LRRC75A: variants seen among roughly 807,000 people sequenced by gnomAD.
LRRC75A encodes leucine-rich repeat-containing protein 75A.
LRRC75A carries 12 observed loss-of-function variants against 26.0 expected under a neutral mutation model. The ratio of observed to expected loss-of-function variants is 0.46; its 90% confidence interval spans 0.30 to 0.75. LRRC75A has a LOEUF of 0.75. LRRC75A is among the 30% of genes least tolerant of loss of function. LRRC75A has a pLI of 0.08. For synonymous variants in LRRC75A, 223 were observed against 219.3 expected (o/e 1.02, Z -0.15); for missense variants, 410 against 486.6 (o/e 0.84, Z 1.48).
At chr17:16,464,924 G>A (rs2093756471) in intron 1 of LRRC75A, among the ~76,000 whole-genome samples, 2 of 152,270 alleles carry the variant, frequency 1.3e-5, no homozygotes, top group South Asian at 4.1e-4. Flanking sequence ...GGTCAAACGA[G>A]CTGTGGCCCA....
intron 1 of LRRC75A, chr17:16,478,760 C>T (rs2093826911): frequency 6.6e-6 from 1 of 152,222 alleles, no homozygotes; most frequent in Non-Finnish European, 1.5e-5. Context: ...GGGCCAATAG[C>T]TGTCTGGAAA....
At chr17:16,479,210 T>C (rs77087831) in intron 1 of LRRC75A, among the ~76,000 whole-genome samples, 3 of 152,214 alleles carry the variant, frequency 2.0e-5, no homozygotes, top group African/African-American at 4.8e-5. Flanking sequence ...TGCAGGGTCA[T>C]ACAGGACTGG....
At position 16,443,553 on chromosome 17, in the gene LRRC75A, A is replaced by G. The variant is rs1472031897; in HGVS notation, c.*35T>C. 4 of 1,472,288 alleles carry G rather than the reference A, an allele frequency of 2.7e-6. No individual in the cohort carries two copies. In the South Asian group the frequency reaches 5.4e-5, roughly 20 times the overall value. The allele number at this position is 1,472,288 out of a possible 1,614,324, so 91.2% of individuals were successfully genotyped here. Reference sequence around the variant, plus strand: ...CTGCCTGCCTTGCCCATTCTACCCAACAAGGACTCCCTGGTGAGGCCCTTC... The same window carrying G: ...CTGCCTGCCTTGCCCATTCTACCCAGCAAGGACTCCCTGGTGAGGCCCTTC... On this transcript the variant is annotated 3_prime_UTR_variant, in exon 4 of 4. Coordinates refer to ENST00000470794, the MANE Select transcript of LRRC75A (RefSeq NM_001113567.3).
chr17:16,491,352 G>C lies in LRRC75A; in HGVS notation c.246+393C>G, dbSNP rs1327034226. ...TCCAACTGATAACCGCATTCCTTGAGGACCCTCGGCCGGGAGTGACTGCCA... is the reference window on the plus strand; with the variant it reads ...TCCAACTGATAACCGCATTCCTTGACGACCCTCGGCCGGGAGTGACTGCCA... On this transcript the variant is annotated intron_variant, in intron 1 of 3. Coordinates refer to ENST00000470794, the MANE Select transcript of LRRC75A (RefSeq NM_001113567.3). The surrounding 1 kb of genome is among the most constrained non-coding windows in gnomAD (Gnocchi z 5.9). Among the ~76,000 whole-genome samples the C allele has an allele frequency of 2.0e-5, 3 of 152,206 alleles. No homozygotes were observed. Among genetic ancestry groups the C allele is most frequent in the African/African-American group, 7.2e-5 (3 of 41,458 alleles).
chr17:16,469,831 G>A (rs150832116), intron 1 of LRRC75A, among the ~76,000 whole-genome samples: 34 of 152,310 alleles, frequency 2.2e-4, no homozygotes, highest in African/African-American at 7.2e-4. Context: ...TCTCTGAACC[G>A]ATGCAGACAG....
chr17:16,457,404 C>A (rs867024991), intron 2 of LRRC75A, among the ~76,000 whole-genome samples: 15 of 152,344 alleles, frequency 9.8e-5, no homozygotes, highest in African/African-American at 7.2e-5. Flanking sequence ...TCTCTTCCCC[C>A]TGGCTTCCAC....
intron 1 of LRRC75A, among the ~76,000 whole-genome samples, chr17:16,485,682 G>GTGTGTGTGTTCA (rs2093845514): frequency 1.4e-5 from 1 of 69,710 alleles, no homozygotes; most frequent in South Asian, 3.7e-4. Flanking sequence ...GTGTGTGTGT[G>GTGTGTGTGTTCA]TGTGTGTGTG....
At chr17:16,451,630 AAAT>A (rs1034404669) in intron 2 of LRRC75A, among the ~76,000 whole-genome samples, 5 of 118,338 alleles carry the variant, frequency 4.2e-5, no homozygotes, top group East Asian at 2.2e-4. Flanking sequence ...TCAAAAAAAA[AAAT>A]AATAATAATA....
chr17:16,476,626 G>A (rs551763380), intron 1 of LRRC75A, among the ~76,000 whole-genome samples: 23 of 150,406 alleles, frequency 1.5e-4, no homozygotes, highest in South Asian at 6.4e-4. Context: ...GTGCAGTGGC[G>A]TGACCTCGGC....
chr17:16,472,005 A>G (rs2093807860), intron 1 of LRRC75A, among the ~76,000 whole-genome samples: 1 of 152,210 alleles, frequency 6.6e-6, no homozygotes, highest in African/African-American at 2.4e-5. Context: ...GTTGCACAGC[A>G]ATATGAATGT....
At chr17:16,450,384 C>T (rs2093621410) in intron 2 of LRRC75A, among the ~76,000 whole-genome samples, 1 of 152,166 alleles carries the variant, frequency 6.6e-6, no homozygotes, top group South Asian at 2.1e-4. Context: ...CGAGACTGAA[C>T]AGAACGGATT....
At chr17:16,447,752 G>T in intron 3 of LRRC75A, 93 bp downstream of exon 3, 1 of 954,980 alleles carries the variant, frequency 1.0e-6, no homozygotes, top group Non-Finnish European at 1.5e-6. Flanking sequence ...CACCCCCCAT[G>T]ACTCCGCCCT....
chr17:16,486,308 C>A (rs2093847017), intron 1 of LRRC75A, among the ~76,000 whole-genome samples: 1 of 152,004 alleles, frequency 6.6e-6, no homozygotes, highest in Non-Finnish European at 1.5e-5. Context: ...GAAAAAAGGA[C>A]CCCCCAACCC....
In LRRC75A at chr17:16,447,976, T is replaced by C; in HGVS notation, c.376-16A>G. 2 of 1,548,680 alleles carry C rather than the reference T, an allele frequency of 1.3e-6. No homozygotes were observed. The highest frequency in any genetic ancestry group is 1.7e-6 in the Non-Finnish European group (2 of 1,145,092). On this transcript the variant is annotated splice_polypyrimidine_tract_variant and intron_variant, in intron 2 of 3. Coordinates refer to ENST00000470794, the MANE Select transcript of LRRC75A (RefSeq NM_001113567.3). The stretch of plus-strand genomic sequence containing the variant: ...CATCGCCTTCCTGCAGAGGCAACCA[T>C]GGGTGGTAGGGCCCTGAGTGGCTGG...
At chr17:16,471,688 T>A (rs2093806615) in intron 1 of LRRC75A, among the ~76,000 whole-genome samples, 1 of 152,186 alleles carries the variant, frequency 6.6e-6, no homozygotes, top group Non-Finnish European at 1.5e-5. Flanking sequence ...CCAAGGTGGT[T>A]CTCAGCTCAA....
chr17:16,459,753 C>A (rs921976690), intron 2 of LRRC75A, among the ~76,000 whole-genome samples: 16 of 152,180 alleles, frequency 1.1e-4, no homozygotes, highest in Non-Finnish European at 1.9e-4. Context: ...CCAGGATGTC[C>A]TGGTCAGCCC....
chr17:16,482,948 G>C (rs2093838042), intron 1 of LRRC75A, among the ~76,000 whole-genome samples: 1 of 152,260 alleles, frequency 6.6e-6, no homozygotes, highest in South Asian at 2.1e-4. Context: ...GGGGCTGGCA[G>C]GTCTGGGTCT....
rs756237422 is a variant in LRRC75A at position 16,444,012 on chromosome 17, A to G, written c.611T>C (p.Val204Ala). The G allele has an allele frequency of 1.9e-6, 3 of 1,613,674 alleles. No homozygotes were observed. Among genetic ancestry groups the G allele is most frequent in the Non-Finnish European group, 2.5e-6 (3 of 1,179,970 alleles). ...TGTGAAGCCCAGCTCCACGCTGTCT[A>G]CCTGCTCCCCACAGCGCTGTAGGTA... ...TSYLQRCGEQ[V>A]DSVELGFTGL... The change falls in exon 4 of 4, where the codon GTA becomes GCA. Residue 204 changes from valine (V) to alanine (A), a missense_variant. Val to Ala is a moderately conservative substitution (Grantham distance 64). Coordinates refer to ENST00000470794, the MANE Select transcript of LRRC75A (RefSeq NM_001113567.3).
rs919784706 is a variant in LRRC75A at position 16,463,450 on chromosome 17, A to T, written c.247-1064T>A. ...GCAATGCTGACATTCCCATCCGGAG[A>T]CTGTCCTCACACCATCCTGGGGAAC... On this transcript the variant is annotated intron_variant, in intron 1 of 3. Coordinates refer to ENST00000470794, the MANE Select transcript of LRRC75A (RefSeq NM_001113567.3). 3.3e-5 allele frequency: 5 copies of T among 152,096 alleles called. No homozygotes were observed. In the East Asian group the frequency reaches 9.7e-4, roughly 30 times the overall value. The allele number at this position is 152,096 out of a possible 1,614,324, so 9.4% of individuals were successfully genotyped here. A position where few individuals can be genotyped will look rare whatever the true frequency, so the allele number is the denominator to read the frequency against.
Sources: gnomAD v4.1 joint callset for allele counts (sites outside exome capture counted in the v4.1 genomes callset) on GRCh38, gnomAD v4.1.1 for gene constraint, Gnocchi (gnomAD v3.1) non-coding constraint, MANE v1.5 for transcripts, NCBI Gene and HGNC (gene_info 2026-07-23, HGNC 2026-07-21) for gene names.